Variants in ANKRD11 observed in about 807,000 individuals in gnomAD.
ANKRD11 encodes ankyrin repeat domain-containing protein 11.
Under a neutral mutation model 195.7 loss-of-function variants are expected in ANKRD11, and 17 were observed. The ratio of observed to expected loss-of-function variants is 0.09; its 90% CI spans 0.06 to 0.13. The LOEUF (loss-of-function observed/expected upper bound fraction) is 0.13, where lower values mean the gene tolerates loss of function less well. Among genes scored for constraint, ANKRD11 ranks in the 10% least tolerant of loss-of-function variants. ANKRD11 has a pLI of 1.00. For missense variants in ANKRD11, 3,735 were observed against 3,566.1 expected (o/e 1.05, Z -1.21); for synonymous variants, 1,953 against 1,528.1 (o/e 1.28, Z -6.49).
Position 89,283,356 on chromosome 16 carries a change from G to A in ANKRD11, c.3186C>T (p.Thr1062=). 3 of 1,613,494 alleles carry A rather than the reference G, an allele frequency of 1.9e-6. No homozygotes were observed. The South Asian group carries it at 3.3e-5, about 18-fold the overall frequency. Residue 1062 remains threonine (T), a synonymous_variant, in exon 9 of 13, where the codon ACC becomes ACT. Coordinates refer to ENST00000301030, the MANE Select transcript of ANKRD11 (RefSeq NM_013275.6). This position sits in a 1 kb window ranked among gnomAD's most constrained non-coding sequence, Gnocchi z 4.3. ...FDKCFKEKKD[T]KEKHKDTHGK... ...CATGTGTGTCTTTATGTTTTTCCTT[G>A]GTATCTTTTTTCTCTTTAAAACATT...
Position 89,279,926 on chromosome 16 carries a change from C to T in ANKRD11, c.6616G>A (p.Glu2206Lys). 1 of 1,609,990 alleles carries T rather than the reference C, an allele frequency of 6.2e-7. No homozygotes were observed. The highest frequency in any genetic ancestry group is 8.5e-7 in the Non-Finnish European group (1 of 1,179,744). The change falls in exon 9 of 13, where the codon GAG (glutamate) becomes AAG (lysine). Residue 2206 changes from glutamate to lysine, a missense_variant. By Grantham distance (56) the Glu-to-Lys change is moderately conservative (BLOSUM62 1). Transcript: ENST00000301030. This position sits in a 1 kb window ranked among gnomAD's most constrained non-coding sequence, Gnocchi z 5.6. Reference sequence around the variant, plus strand: ...TCCAGCTTTGGCTCCCCTGAGGGCTCAGGCTCGAGCTCTGCAGGGAGCCGG... The same window carrying T: ...TCCAGCTTTGGCTCCCCTGAGGGCTTAGGCTCGAGCTCTGCAGGGAGCCGG... The part of the protein sequence containing the change: ...STRLPAELEP[E>K]PSGEPKLDVA...
intron 1 of ANKRD11, among the ~76,000 whole-genome samples, chr16:89,446,663 G>A (rs970269603): frequency 6.6e-6 from 1 of 152,104 alleles, no homozygotes; most frequent in Non-Finnish European, 1.5e-5. Context: ...AGGCCATCAA[G>A]GGCTGTGAAG....
At position 89,487,624 on chromosome 16, in the gene ANKRD11, A is replaced by C. The variant is rs575544564; in HGVS notation, c.-145+2621T>G. Among the ~76,000 whole-genome samples, 3 of 152,248 alleles carry C rather than the reference A, an allele frequency of 2.0e-5. No individual in the cohort carries two copies. The East Asian group carries it at 5.8e-4, about 29-fold the overall frequency. ...CCCCATCTCTACTAAAAATACAAAA[A>C]TTAGCCAGGCGTGGCGGTGGGCGCC... On this transcript the variant is annotated intron_variant, in intron 1 of 12. Coordinates refer to ENST00000301030, the MANE Select transcript of ANKRD11 (RefSeq NM_013275.6).
rs765013102 is a variant in ANKRD11, at chr16:89,280,384, G to A, written c.6158C>T (p.Ala2053Val). ...CCCGGAGGGAGGGGCGTAGGGAGCC[G>A]CCTCTGAGGTGGAGATGGCGGCGGG... ...AVPAAISTSE[A>V]APYAPPSGLE... Residue 2053 changes from alanine to valine, a missense_variant, in exon 9 of 13, where the codon GCG (alanine) becomes GTG (valine). By Grantham distance (64) the Ala-to-Val change is moderately conservative (BLOSUM62 0). Transcript: ENST00000301030. 6 of 1,559,666 alleles carry A rather than the reference G, an allele frequency of 3.8e-6. No individual in the cohort carries two copies. The highest frequency in any genetic ancestry group is 1.4e-5 in the African/African-American group (1 of 73,322).
chr16:89,268,418 C>T lies in ANKRD11; in HGVS notation c.*60G>A, dbSNP rs1424475309. On this transcript the variant is annotated 3_prime_UTR_variant, in exon 13 of 13. Coordinates refer to ENST00000301030, the MANE Select transcript of ANKRD11 (RefSeq NM_013275.6). ...CGCTCCCTCCTCCGCCCCTGGGGCT[C>T]AGCAGCAGTCCTGGGCAGCCGTGCG... 2.6e-6 allele frequency: 2 copies of T among 766,534 alleles called. No homozygotes were observed. Among genetic ancestry groups the T allele is most frequent in the South Asian group, 1.7e-5 (1 of 58,720 alleles). 47.5% of individuals were successfully genotyped at this position (766,534 alleles called of 1,614,324 possible).
intron 2 of ANKRD11, among the ~76,000 whole-genome samples, chr16:89,413,985 G>T (rs530895206): frequency 6.6e-6 from 1 of 152,044 alleles, no homozygotes; most frequent in Non-Finnish European, 1.5e-5. Flanking sequence ...GAGGGGGCTC[G>T]GCTCTGGCTG....
intron 2 of ANKRD11, among the ~76,000 whole-genome samples, chr16:89,330,957 A>G (rs1028671424): frequency 1.3e-5 from 2 of 152,118 alleles, no homozygotes; most frequent in African/African-American, 4.8e-5. Context: ...TAAGCAAAAC[A>G]CCTTCCTTTT....
intron 2 of ANKRD11, among the ~76,000 whole-genome samples, chr16:89,385,899 G>T (rs142337266): frequency 1.2e-3 from 188 of 152,314 alleles, no homozygotes; most frequent in African/African-American, 4.1e-3. Context: ...TAGGCAACCC[G>T]GTGGTCCCCA....
chr16:89,369,364 T>C (rs909592297), intron 2 of ANKRD11, among the ~76,000 whole-genome samples: 3 of 152,196 alleles, frequency 2.0e-5, no homozygotes, highest in Non-Finnish European at 4.4e-5. Flanking sequence ...CATCAGCTGA[T>C]GGGTGCATGA....
chr16:89,318,005 C>T (rs1257559611), intron 2 of ANKRD11, among the ~76,000 whole-genome samples: 1 of 152,180 alleles, frequency 6.6e-6, no homozygotes, highest in African/African-American at 2.4e-5. Context: ...CTTTCCGAAG[C>T]AGCCACTCCC....
At chr16:89,287,962 G>GC (rs1387128435) in intron 7 of ANKRD11, 3 of 458,390 alleles carry the variant, frequency 6.5e-6, no homozygotes, top group East Asian at 6.4e-5. Flanking sequence ...GAGACCCGCC[G>GC]CATCTCCAGG....
At chr16:89,399,283 C>T (rs2041593656) in intron 2 of ANKRD11, among the ~76,000 whole-genome samples, 1 of 152,114 alleles carries the variant, frequency 6.6e-6, no homozygotes, top group Admixed American at 6.5e-5. Context: ...TACAAGTGAC[C>T]CAAGACACTC....
chr16:89,425,723 G>C (rs1023882126), intron 1 of ANKRD11, among the ~76,000 whole-genome samples: 2 of 152,124 alleles, frequency 1.3e-5, no homozygotes, highest in African/African-American at 4.8e-5. Context: ...TTTAAGGGTG[G>C]GGTGCTATTC....
Position 89,279,022 on chromosome 16 carries a change from G to C in ANKRD11, c.7470+50C>G, listed in dbSNP as rs199500440. 182 of 1,608,610 alleles carry C rather than the reference G, an allele frequency of 1.1e-4. 1 individual carries two copies. The African/African-American group carries it at 2.0e-3, about 18-fold the overall frequency. On this transcript the variant is annotated intron_variant, in intron 9 of 12. Coordinates refer to ENST00000301030, the MANE Select transcript of ANKRD11 (RefSeq NM_013275.6). The surrounding 1 kb of genome is among the most constrained non-coding windows in gnomAD (Gnocchi z 5.6). ...GAGGAAGCCGTGACTAGGGGCCCCA[G>C]ACGCATCCCAGAGAGAGAAGGCAGT... is the stretch of plus-strand genomic sequence containing the variant.
chr16:89,387,220 G>A (rs1276388124), intron 2 of ANKRD11, among the ~76,000 whole-genome samples: 1 of 151,268 alleles, frequency 6.6e-6, no homozygotes, highest in Non-Finnish European at 1.5e-5. Context: ...AAGATCTGGA[G>A]TGCCAAGTTA....
intron 2 of ANKRD11, among the ~76,000 whole-genome samples, chr16:89,318,337 C>T (rs1009729070): frequency 6.6e-6 from 1 of 152,230 alleles, no homozygotes; most frequent in Non-Finnish European, 1.5e-5. Flanking sequence ...GACACACCTA[C>T]ACACCCACAC....
At chr16:89,337,561 C>T (rs767370256) in intron 2 of ANKRD11, among the ~76,000 whole-genome samples, 7 of 150,520 alleles carry the variant, frequency 4.7e-5, no homozygotes, top group South Asian at 2.1e-4. Flanking sequence ...CTCAACCTCC[C>T]GAGTAGCTGG....
intron 2 of ANKRD11, among the ~76,000 whole-genome samples, chr16:89,343,979 C>A (rs533998689): frequency 6.6e-6 from 1 of 152,346 alleles, no homozygotes; most frequent in South Asian, 2.1e-4. Flanking sequence ...CTCTGACCGA[C>A]TGAACCCAGG....
At chr16:89,341,932 C>CTGCA (rs372944607) in intron 2 of ANKRD11, among the ~76,000 whole-genome samples, 7 of 151,026 alleles carry the variant, frequency 4.6e-5, no homozygotes, top group African/African-American at 1.7e-4. Context: ...GGCGGGAGTG[C>CTGCA]TGCACCTCCT....
Sources: gnomAD v4.1 joint callset for allele counts (sites outside exome capture counted in the v4.1 genomes callset) on GRCh38, gnomAD v4.1.1 for gene constraint, Gnocchi (gnomAD v3.1) non-coding constraint, MANE v1.5 for transcripts, NCBI Gene and HGNC (gene_info 2026-07-23, HGNC 2026-07-21) for gene names.